CDH12: variants seen among roughly 807,000 people sequenced by gnomAD.
CDH12 encodes cadherin 12, also known as cadherin-12.
In CDH12, 41 loss-of-function variants were observed where a neutral mutation model predicts 74.1. The observed-to-expected ratio is 0.55, with a 90% confidence interval of 0.43 to 0.72. The LOEUF (loss-of-function observed/expected upper bound fraction) is 0.72, where lower values mean the gene tolerates loss of function less well. CDH12 is among the 30% of genes least tolerant of loss of function. CDH12 has a pLI of 0.00. For missense variants in CDH12, 945 were observed against 977.2 expected (o/e 0.97, Z 0.44); for synonymous variants, 399 against 355.0 (o/e 1.12, Z -1.39).
At chr5:21,898,569 G>T (rs1040486301) in intron 6 of CDH12, among the ~76,000 whole-genome samples, 1 of 152,028 alleles carries the variant, frequency 6.6e-6, no homozygotes, top group East Asian at 1.9e-4. Context: ...GGGCGTGGTG[G>T]CGGGCGCCTA....
intron 1 of CDH12, among the ~76,000 whole-genome samples, chr5:22,574,071 C>T (rs1739663375): frequency 1.4e-5 from 2 of 140,822 alleles, no homozygotes; most frequent in Admixed American, 7.2e-5. Context: ...CTGTCTCTCT[C>T]TCTTTTTTTT....
intron 2 of CDH12, among the ~76,000 whole-genome samples, chr5:22,460,839 A>G (rs1323623638): frequency 7.3e-6 from 1 of 137,444 alleles, no homozygotes; most frequent in Non-Finnish European, 1.5e-5. Context: ...TCCTGCCTTG[A>G]TCCCCCGAGT....
chr5:21,804,643 A>AAAACACAC (rs1554032478), intron 9 of CDH12, among the ~76,000 whole-genome samples: 26 of 115,366 alleles, frequency 2.3e-4, no homozygotes, highest in African/African-American at 8.0e-4. Context: ...AGTGAATTAA[A>AAAACACAC]ACACACACAC....
At chr5:22,606,800 T>C (rs1005823979) in intron 1 of CDH12, among the ~76,000 whole-genome samples, 11 of 152,012 alleles carry the variant, frequency 7.2e-5, no homozygotes, top group African/African-American at 2.7e-4. Context: ...GAGTAACAGG[T>C]AGAATTTGGA....
At chr5:22,012,048 T>C (rs186820416) in intron 5 of CDH12, among the ~76,000 whole-genome samples, 92 of 152,210 alleles carry the variant, frequency 6.0e-4, no homozygotes, top group African/African-American at 2.1e-3. Flanking sequence ...ATTAATTGCA[T>C]CCAAAATTTA....
At chr5:22,365,619 T>C (rs572894899) in intron 3 of CDH12, among the ~76,000 whole-genome samples, 2 of 152,240 alleles carry the variant, frequency 1.3e-5, no homozygotes, top group Non-Finnish European at 2.9e-5. Flanking sequence ...GCTAGATTAA[T>C]TAAATCTCCT....
At chr5:22,818,918 CTG>C (rs1749528898) in intron 1 of CDH12, among the ~76,000 whole-genome samples, 1 of 152,076 alleles carries the variant, frequency 6.6e-6, no homozygotes, top group African/African-American at 2.4e-5. Context: ...TGTGCATACT[CTG>C]TCAACTGGAT....
At chr5:21,793,728 T>A (rs1746628795) in intron 10 of CDH12, among the ~76,000 whole-genome samples, 1 of 151,558 alleles carries the variant, frequency 6.6e-6, no homozygotes, top group African/African-American at 2.4e-5. Context: ...AAGCTTGCAT[T>A]TCCTGCTTGT....
chr5:21,760,787 G>C (rs1351429657), intron 12 of CDH12, 112 bp from the exon 13 acceptor site: 2 of 716,920 alleles, frequency 2.8e-6, no homozygotes, highest in African/African-American at 1.8e-5. Flanking sequence ...GGCACTTTTT[G>C]AATCAATACC....
chr5:22,476,581 T>C (rs1228258381), intron 2 of CDH12, among the ~76,000 whole-genome samples: 1 of 152,144 alleles, frequency 6.6e-6, no homozygotes. Context: ...TGCTGCTGAC[T>C]ACATAGTATT....
chr5:22,756,352 G>T (rs1439040535), intron 1 of CDH12, among the ~76,000 whole-genome samples: 2 of 151,834 alleles, frequency 1.3e-5, no homozygotes, highest in Admixed American at 6.6e-5. Context: ...ATTTAGTTAG[G>T]AATGACACAC....
At chr5:21,954,221 A>G (rs1755993789) in intron 6 of CDH12, among the ~76,000 whole-genome samples, 1 of 151,910 alleles carries the variant, frequency 6.6e-6, no homozygotes, top group Admixed American at 6.6e-5. Context: ...TTAGCTAGAG[A>G]GGCAGCTAAT....
intron 11 of CDH12, among the ~76,000 whole-genome samples, chr5:21,775,489 G>A (rs369829504): frequency 6.6e-6 from 1 of 152,100 alleles, no homozygotes; most frequent in African/African-American, 2.4e-5. Context: ...AGGCTCTGTT[G>A]AATGAAGCCT....
chr5:22,037,828 A>G lies in CDH12; in HGVS notation c.231+40618T>C, dbSNP rs1484323771. 2.0e-5 allele frequency among the ~76,000 whole-genome samples: 3 copies of G among 152,300 alleles called. No homozygotes were observed. The East Asian group carries it at 5.8e-4, about 30-fold the overall frequency. ...CAAAAGAGTAACAGGAACCCCAGTG[A>G]GCACAGAAATTCAGTATAGCCACTA... On this transcript the variant is annotated intron_variant, in intron 5 of 14. Transcript: ENST00000382254.
chr5:22,766,090 C>T (rs1303444620), intron 1 of CDH12, among the ~76,000 whole-genome samples: 1 of 151,712 alleles, frequency 6.6e-6, no homozygotes, highest in African/African-American at 2.4e-5. Flanking sequence ...TTAACATCTA[C>T]CATAATGGCA....
At chr5:22,660,133 A>T (rs2126896554) in intron 1 of CDH12, among the ~76,000 whole-genome samples, 1 of 152,360 alleles carries the variant, frequency 6.6e-6, no homozygotes, top group South Asian at 2.1e-4. Context: ...GCATGGAGAT[A>T]TTTGGAGTTT....
At chr5:22,401,899 G>T (rs1445654841) in intron 3 of CDH12, among the ~76,000 whole-genome samples, 1 of 152,144 alleles carries the variant, frequency 6.6e-6, no homozygotes, top group Non-Finnish European at 1.5e-5. Context: ...TTTCTAACAA[G>T]CCAAGGAACA....
chr5:22,752,536 A>G (rs2127036799), intron 1 of CDH12, among the ~76,000 whole-genome samples: 1 of 135,734 alleles, frequency 7.4e-6, no homozygotes, highest in Non-Finnish European at 1.6e-5. Flanking sequence ...GAAAGCAGAT[A>G]GGATACTTCT....
In CDH12 at chr5:22,346,105, CAA is replaced by C. The variant is rs5866560; in HGVS notation, c.-333+59150_-333+59151del. On this transcript the variant is annotated intron_variant, in intron 3 of 14. Transcript: ENST00000382254. ...TGGGTGACAGAGAAAGACTTCATCTCAAAAAAAAAAAAAAAAAAGGAGAATAT... is the reference window on the plus strand; with the variant it reads ...TGGGTGACAGAGAAAGACTTCATCTCAAAAAAAAAAAAAAAAGGAGAATAT... Among the ~76,000 whole-genome samples the C allele has an allele frequency of 4.2e-3, 431 of 101,604 alleles. 2 individuals are homozygous for C. Among genetic ancestry groups the C allele is most frequent in the African/African-American group, 0.014 (380 of 27,078 alleles). The allele number at this position is 101,604 out of a possible 152,430, so 66.7% of individuals were successfully genotyped here. A position where few individuals can be genotyped will look rare whatever the true frequency, so the allele number is the denominator to read the frequency against.
Sources: allele counts gnomAD v4.1 joint callset (sites outside exome capture counted in the v4.1 genomes callset), GRCh38; gene constraint gnomAD v4.1.1; transcripts MANE v1.5; gene names NCBI Gene and HGNC (gene_info 2026-07-23, HGNC 2026-07-21).